MGLL: variants seen among roughly 807,000 people sequenced by gnomAD.
The protein encoded by MGLL is monoglyceride lipase, also known as lysophospholipase homolog.
A neutral mutation model predicts 29.1 loss-of-function variants in MGLL; 7 were observed. The observed-to-expected ratio is 0.24, with a 90% CI of 0.14 to 0.45. The LOEUF is 0.45. MGLL is among the 20% of genes least tolerant of loss of function. MGLL has a pLI of 0.99. For missense variants in MGLL, 356 were observed against 413.6 expected, an observed-to-expected ratio of 0.86 and a Z score of 1.21; for synonymous variants, 148 against 168.3, an observed-to-expected ratio of 0.88 and a Z score of 0.93.
intron 3 of MGLL, among the ~76,000 whole-genome samples, chr3:127,748,746 T>C (rs1399227758): frequency 1.3e-5 from 2 of 152,160 alleles, no homozygotes; most frequent in Non-Finnish European, 2.9e-5. Context: ...AAATCCCTGC[T>C]GTTGAAGCTC....
intron 3 of MGLL, among the ~76,000 whole-genome samples, chr3:127,746,049 C>A (rs906293073): frequency 6.6e-6 from 1 of 152,016 alleles, no homozygotes; most frequent in Non-Finnish European, 1.5e-5. Flanking sequence ...GAGATGGGGG[C>A]CCAGACAGAA....
intron 2 of MGLL, among the ~76,000 whole-genome samples, chr3:127,806,187 C>G (rs375277803): frequency 6.6e-6 from 1 of 152,234 alleles, no homozygotes; most frequent in Non-Finnish European, 1.5e-5. Flanking sequence ...AGGCAAATCA[C>G]CCGGTCTAGA....
rs769296323 is a variant in MGLL at position 127,722,423 on chromosome 3, T to TGCTTACCATGGAGTGGCCC, written c.387_399+6dup. ...GATTTAACCTGGGTCTTCTGTGGTC[T>TGCTTACCATGGAGTGGCCC]GCTTACCATGGAGTGGCCCAGAAGG... On this transcript the variant is annotated splice_region_variant and intron_variant, in intron 4 of 7. Coordinates refer to ENST00000265052, the MANE Select transcript of MGLL (RefSeq NM_007283.7). 1 of 1,614,216 alleles carries TGCTTACCATGGAGTGGCCC rather than the reference T, an allele frequency of 6.2e-7. No individual in the cohort carries two copies. The highest frequency in any genetic ancestry group is 1.7e-5 in the Admixed American group (1 of 60,032).
chr3:127,760,180 G>T (rs929582515), intron 3 of MGLL, among the ~76,000 whole-genome samples: 10 of 152,228 alleles, frequency 6.6e-5, no homozygotes, highest in African/African-American at 9.6e-5. Context: ...AGTTTGTGTG[G>T]GGTCCTATGA....
chr3:127,810,682 T>C (rs533257648), intron 2 of MGLL, among the ~76,000 whole-genome samples: 1 of 152,354 alleles, frequency 6.6e-6, no homozygotes, highest in Admixed American at 6.5e-5. Flanking sequence ...AGACCTGGCA[T>C]ACACGAGGTG....
At chr3:127,770,646 G>A (rs574341771) in intron 3 of MGLL, among the ~76,000 whole-genome samples, 99 of 152,294 alleles carry the variant, frequency 6.5e-4, no homozygotes, top group East Asian at 2.3e-3. Context: ...AGGGAGTCCC[G>A]TAAATGAACA....
At chr3:127,760,313 C>T (rs1346148987) in intron 3 of MGLL, among the ~76,000 whole-genome samples, 1 of 152,234 alleles carries the variant, frequency 6.6e-6, no homozygotes, top group Non-Finnish European at 1.5e-5. Context: ...TCTGCCTCCA[C>T]CCAGCAGGTT....
chr3:127,803,638 C>CCT (rs1165848228), intron 2 of MGLL, among the ~76,000 whole-genome samples: 1 of 152,120 alleles, frequency 6.6e-6, no homozygotes, highest in Non-Finnish European at 1.5e-5. Flanking sequence ...TGTTAAAAAC[C>CCT]CTGCACATTT....
At chr3:127,726,851 T>G (rs11707342) in intron 3 of MGLL, among the ~76,000 whole-genome samples, 1 of 152,128 alleles carries the variant, frequency 6.6e-6, no homozygotes, top group Admixed American at 6.5e-5. Flanking sequence ...CACTTCAGCA[T>G]GCTTAGTGAC....
intron 6 of MGLL, among the ~76,000 whole-genome samples, chr3:127,704,704 C>T (rs542929947): frequency 6.6e-6 from 1 of 152,272 alleles, no homozygotes; most frequent in African/African-American, 2.4e-5. Flanking sequence ...CCATCTCACG[C>T]CAGTCAGAAT....
intron 7 of MGLL, among the ~76,000 whole-genome samples, chr3:127,693,669 T>C (rs2075290800): frequency 6.6e-6 from 1 of 152,172 alleles, no homozygotes; most frequent in Admixed American, 6.5e-5. Context: ...TACACTCTGC[T>C]GAGTTTCCTT....
intron 3 of MGLL, among the ~76,000 whole-genome samples, chr3:127,742,316 G>T (rs915810849): frequency 1.3e-5 from 2 of 152,306 alleles, no homozygotes; most frequent in East Asian, 3.9e-4. Flanking sequence ...CAGGCCAGGC[G>T]CAGTGGCTCA....
intron 3 of MGLL, among the ~76,000 whole-genome samples, chr3:127,760,971 GTTAT>G (rs2076754025): frequency 6.6e-6 from 1 of 152,174 alleles, no homozygotes; most frequent in Non-Finnish European, 1.5e-5. Flanking sequence ...CTGGGCAAGC[GTTAT>G]TTGATTTTCT....
rs770949795 is a variant in MGLL at position 127,695,089 on chromosome 3, G to C, written c.702C>G (p.Leu234=). The change falls in exon 7 of 8, where the codon CTC becomes CTG. Residue 234 remains leucine, a synonymous_variant. Coordinates refer to ENST00000265052, the MANE Select transcript of MGLL (RefSeq NM_007283.7). ...GCAGGAAGGGCACAGTCAGCTTGGG[G>C]AGGGCGCGCTCCACCCGTGAGACGG... is the stretch of plus-strand genomic sequence containing the variant. ...LNAVSRVERA[L]PKLTVPFLLL... 13 of 1,614,086 alleles carry C rather than the reference G, an allele frequency of 8.1e-6. No individual in the cohort carries two copies. Among genetic ancestry groups the C allele is most frequent in the Non-Finnish European group, 1.1e-5 (13 of 1,180,056 alleles).
intron 3 of MGLL, among the ~76,000 whole-genome samples, chr3:127,755,171 G>A (rs1413873995): frequency 6.6e-6 from 1 of 152,182 alleles, no homozygotes; most frequent in East Asian, 1.9e-4. Flanking sequence ...GAGAGAAAAG[G>A]AGAAGATAAA....
Position 127,817,505 on chromosome 3 carries a change from G to C in MGLL, c.155+4189C>G, listed in dbSNP as rs531899038. The stretch of plus-strand genomic sequence containing the variant: ...AGATGAGAGTGAGATGTGTCCACTC[G>C]GTAACCCTCTACTCAGCACCTCCTT... On this transcript the variant is annotated intron_variant, in intron 2 of 7. Transcript: ENST00000265052. Among the ~76,000 whole-genome samples the C allele has an allele frequency of 6.6e-5, 10 of 152,292 alleles. No individual in the cohort carries two copies. In the South Asian group the frequency reaches 1.2e-3, roughly 19 times the overall value.
rs767780059 is a variant in MGLL, at chr3:127,721,096, G to C, written c.467C>G (p.Ser156Trp). 6.2e-7 allele frequency: 1 copy of C among 1,614,248 alleles called. No homozygotes were observed. The highest frequency in any genetic ancestry group is 8.5e-7 in the Non-Finnish European group (1 of 1,180,046). Residue 156 changes from serine to tryptophan, a missense_variant, in exon 5 of 8, where the codon TCG becomes TGG. Physicochemically the swap from Ser to Trp is radical, Grantham distance 177. Coordinates refer to ENST00000265052, the MANE Select transcript of MGLL (RefSeq NM_007283.7). ...PGHFAGMVLI[S>W]PLVLANPESA... ...TTCAGGATTGGCAAGAACCAGAGGCGAAATGAGTACCATGCCGGCGAAGTG... is the reference window on the plus strand; with the variant it reads ...TTCAGGATTGGCAAGAACCAGAGGCCAAATGAGTACCATGCCGGCGAAGTG...
At chr3:127,720,763 A>G (rs991537028) in intron 5 of MGLL, among the ~76,000 whole-genome samples, 3 of 152,178 alleles carry the variant, frequency 2.0e-5, no homozygotes, top group Non-Finnish European at 4.4e-5. Flanking sequence ...AACAAACGTG[A>G]CTTTGCTGGA....
intron 5 of MGLL, among the ~76,000 whole-genome samples, chr3:127,714,763 G>T (rs2107612905): frequency 6.6e-6 from 1 of 152,340 alleles, no homozygotes. Flanking sequence ...GGGGACCCGG[G>T]TGGATACACC....
Sources: gnomAD v4.1 joint callset for allele counts (sites outside exome capture counted in the v4.1 genomes callset) on GRCh38, gnomAD v4.1.1 for gene constraint, MANE v1.5 for transcripts, NCBI Gene and HGNC (gene_info 2026-07-23, HGNC 2026-07-21) for gene names.